Variants in ASXL2 observed in about 807,000 individuals in gnomAD.
ASXL2 encodes the protein ASXL transcriptional regulator 2.
A neutral mutation model predicts 122.0 loss-of-function variants in ASXL2; 23 were observed. That is an observed-to-expected ratio of 0.19 (90% confidence interval 0.14 to 0.27). The LOEUF (loss-of-function observed/expected upper bound fraction) is 0.27. Ranked by LOEUF, ASXL2 falls within the 10% of genes least tolerant of loss-of-function variation. ASXL2 has a pLI of 1.00. For missense variants in ASXL2, 1,518 were observed against 1,713.8 expected, an observed-to-expected ratio of 0.89 and a Z score of 2.02; for synonymous variants, 650 against 637.0, an observed-to-expected ratio of 1.02 and a Z score of -0.31.
At chr2:25,866,598 G>A (rs911324206) in intron 1 of ASXL2, among the ~76,000 whole-genome samples, 3 of 152,086 alleles carry the variant, frequency 2.0e-5, no homozygotes, top group Non-Finnish European at 4.4e-5. Context: ...ACTAAGACTG[G>A]GAAATGGTTG....
chr2:25,793,838 T>A (rs2088872646), intron 5 of ASXL2, among the ~76,000 whole-genome samples: 1 of 152,176 alleles, frequency 6.6e-6, no homozygotes, highest in Non-Finnish European at 1.5e-5. Flanking sequence ...TCCCCTGGCC[T>A]AAATGGGAAA....
chr2:25,846,655 GA>G lies in ASXL2; in HGVS notation c.58-1093del, dbSNP rs35452199. Among the ~76,000 whole-genome samples the G allele has an allele frequency of 4.0e-3, 586 of 147,232 alleles. 2 individuals are homozygous for G. The highest frequency in any genetic ancestry group is 4.7e-3 in the Non-Finnish European group (314 of 66,670). ...AGAGCGAGACTCCATCTCAAAAAAA[GA>G]AAAAAAAAAATTAGCAGGGCATGGT... On this transcript the variant is annotated intron_variant, in intron 1 of 12. Transcript: ENST00000435504.
At chr2:25,812,477 T>C (rs2089184562) in intron 3 of ASXL2, among the ~76,000 whole-genome samples, 2 of 151,804 alleles carry the variant, frequency 1.3e-5, no homozygotes, top group Admixed American at 6.6e-5. Context: ...ACAACAACAA[T>C]AACAAAAAAT....
intron 1 of ASXL2, among the ~76,000 whole-genome samples, chr2:25,845,947 G>A (rs1044893856): frequency 5.3e-5 from 8 of 152,172 alleles, no homozygotes; most frequent in African/African-American, 1.7e-4. Context: ...TAAAAACCTG[G>A]ACAGAATGCA....
chr2:25,777,505 T>G (rs566585680), intron 5 of ASXL2, among the ~76,000 whole-genome samples: 2 of 151,924 alleles, frequency 1.3e-5, no homozygotes, highest in African/African-American at 4.8e-5. Context: ...TAGCTGGACA[T>G]GGTGGCATAA....
chr2:25,746,701 G>A (rs778187031), intron 12 of ASXL2, among the ~76,000 whole-genome samples: 1 of 152,010 alleles, frequency 6.6e-6, no homozygotes, highest in Non-Finnish European at 1.5e-5. Flanking sequence ...ATTATAAGTG[G>A]TTAAAATGAA....
At chr2:25,842,153 C>A (rs537367202) in intron 2 of ASXL2, among the ~76,000 whole-genome samples, 1 of 150,692 alleles carries the variant, frequency 6.6e-6, no homozygotes, top group African/African-American at 2.4e-5. Flanking sequence ...ACACAGAACA[C>A]TACAACAAAC....
chr2:25,861,008 T>G (rs1409188647), intron 1 of ASXL2, among the ~76,000 whole-genome samples: 1 of 152,166 alleles, frequency 6.6e-6, no homozygotes, highest in Admixed American at 6.6e-5. Context: ...AGCTAGACCC[T>G]GCCTCCAAAA....
chr2:25,814,572 G>C (rs1442309156), intron 3 of ASXL2, among the ~76,000 whole-genome samples: 1 of 152,214 alleles, frequency 6.6e-6, no homozygotes, highest in Non-Finnish European at 1.5e-5. Flanking sequence ...TGGGGTTGAA[G>C]AGGTAGGGGT....
At position 25,742,580 on chromosome 2, in the gene ASXL2, C is replaced by T. The variant is rs751339729; in HGVS notation, c.3757G>A (p.Gly1253Ser). The T allele has an allele frequency of 1.1e-5, 17 of 1,613,868 alleles. No individual in the cohort carries two copies. In the East Asian group the frequency reaches 2.0e-4, roughly 19 times the overall value. Residue 1253 changes from glycine (G) to serine (S), a missense_variant, in exon 13 of 13, where the codon GGC becomes AGC. By Grantham distance (56) the Gly-to-Ser change is moderately conservative (BLOSUM62 0). Transcript: ENST00000435504. ...AGGGTCTTTTCATCAAATGTTTGGC[C>T]TCTAGTGAACAGGTAATTCTCCTTA... ...LSKENYLFTR[G>S]QTFDEKTLAR... is the part of the protein sequence containing the mutation.
rs1009331201 is a variant in ASXL2, at chr2:25,872,163, C to A, written c.57+6003G>T. Among the ~76,000 whole-genome samples the A allele has an allele frequency of 1.3e-5, 2 of 152,096 alleles. 1 individual carries two copies. The highest frequency in any genetic ancestry group is 2.9e-5 in the Non-Finnish European group (2 of 68,020). ...TAATCCCAACACTTTGGGTCCATTG[C>A]GAGAGCCCAAGAATTTGAGACCAGG... is the stretch of plus-strand genomic sequence containing the variant. On this transcript the variant is annotated intron_variant, in intron 1 of 12. Coordinates refer to ENST00000435504, the MANE Select transcript of ASXL2 (RefSeq NM_018263.6).
intron 6 of ASXL2, among the ~76,000 whole-genome samples, chr2:25,771,043 C>T (rs1204311969): frequency 1.3e-5 from 2 of 152,060 alleles, no homozygotes; most frequent in Non-Finnish European, 1.5e-5. Flanking sequence ...TGAGACCATC[C>T]TGGCCAACAT....
chr2:25,805,943 T>G (rs376259394), intron 4 of ASXL2, among the ~76,000 whole-genome samples: 1 of 152,154 alleles, frequency 6.6e-6, no homozygotes, highest in Non-Finnish European at 1.5e-5. Context: ...TCCTAAAATG[T>G]TGGGATTACA....
At chr2:25,841,364 T>A (rs2089576236) in intron 2 of ASXL2, among the ~76,000 whole-genome samples, 1 of 152,150 alleles carries the variant, frequency 6.6e-6, no homozygotes, top group Non-Finnish European at 1.5e-5. Flanking sequence ...ATGAATATGA[T>A]CTTCCAACTA....
At chr2:25,764,254 C>T (rs963013374) in intron 8 of ASXL2, among the ~76,000 whole-genome samples, 15 of 152,120 alleles carry the variant, frequency 9.9e-5, no homozygotes, top group African/African-American at 3.6e-4. Flanking sequence ...TATCTTGGGA[C>T]ATTTTTCAAA....
chr2:25,734,709 G>A lies in ASXL2; in HGVS notation c.*7320C>T, dbSNP rs1290033417. On this transcript the variant is annotated 3_prime_UTR_variant, in exon 13 of 13. Transcript: ENST00000435504. ...TCTAATATAGTGTTTAGGAAGCCAA[G>A]TTCCATTTCACTTAACAGATGGAGG... 6.6e-6 allele frequency: 1 copy of A among 152,182 alleles called. No individual in the cohort carries two copies. Among genetic ancestry groups the A allele is most frequent in the Non-Finnish European group, 1.5e-5 (1 of 68,014 alleles). 9.4% of individuals were successfully genotyped at this position (152,182 alleles called of 1,614,324 possible). A position where few individuals can be genotyped will look rare whatever the true frequency, so the allele number is the denominator to read the frequency against.
intron 1 of ASXL2, among the ~76,000 whole-genome samples, chr2:25,874,168 A>AC (rs1468519892): frequency 6.6e-6 from 1 of 151,842 alleles, no homozygotes; most frequent in East Asian, 1.9e-4. Flanking sequence ...ACTTGGCGAG[A>AC]CCCCGTCTCT....
Position 25,740,384 on chromosome 2 carries a change from C to T in ASXL2, c.*1645G>A, listed in dbSNP as rs983935186. The T allele has an allele frequency of 1.3e-5, 3 of 225,242 alleles. No individual in the cohort carries two copies. Among genetic ancestry groups the T allele is most frequent in the South Asian group, 3.6e-4 (2 of 5,482 alleles). 14.0% of individuals were successfully genotyped at this position (225,242 alleles called of 1,614,324 possible). A position where few individuals can be genotyped will look rare whatever the true frequency, so the allele number is the denominator to read the frequency against. ...GACTTAACAAGTTTAAACTGTTCTG[C>T]ATTTTGTAAATATCACATCCTGAAT... On this transcript the variant is annotated 3_prime_UTR_variant, in exon 13 of 13. Transcript: ENST00000435504.
intron 5 of ASXL2, among the ~76,000 whole-genome samples, chr2:25,785,913 G>T (rs1027058249): frequency 2.0e-5 from 3 of 152,132 alleles, no homozygotes; most frequent in Non-Finnish European, 4.4e-5. Flanking sequence ...ACTTTTTTAT[G>T]ATACCAAATT....
Sources: gnomAD v4.1 joint callset for allele counts (sites outside exome capture counted in the v4.1 genomes callset) on GRCh38, gnomAD v4.1.1 for gene constraint, MANE v1.5 for transcripts, NCBI Gene and HGNC (gene_info 2026-07-23, HGNC 2026-07-21) for gene names.